The following RPGRIP1L variants were observed in gnomAD, a reference collection of about 807,000 sequenced individuals.
RPGRIP1L encodes the protein RPGRIP1 like.
In RPGRIP1L, 131 loss-of-function variants were observed where a neutral mutation model predicts 160.4. The ratio of observed to expected loss-of-function variants is 0.82; its 90% CI spans 0.71 to 0.94. The LOEUF (loss-of-function observed/expected upper bound fraction) is 0.94, where lower values mean the gene tolerates loss of function less well. Ranked by LOEUF, RPGRIP1L falls within the 40% of genes least tolerant of loss-of-function variation. The pLI is 0.00. For synonymous variants in RPGRIP1L, 510 were observed against 515.8 expected (o/e 0.99, Z 0.15); for missense variants, 1,522 against 1,535.8 (o/e 0.99, Z 0.15).
Position 53,645,844 on chromosome 16 carries a change from A to C in RPGRIP1L, c.2464T>G (p.Phe822Val), listed in dbSNP as rs772142011. The change falls in exon 17 of 27, where the codon TTT becomes GTT. Residue 822 changes from phenylalanine (F) to valine (V), a missense_variant. Physicochemically the swap from Phe to Val is conservative, Grantham distance 50. Coordinates refer to ENST00000647211, the MANE Select transcript of RPGRIP1L (RefSeq NM_015272.5). ...HPYVVYKFFD[F>V]ADHDTAIIPS... The stretch of plus-strand genomic sequence containing the variant: ...ATGATAGCTGTATCATGGTCTGCAA[A>C]ATCAAAAAACTTGTACACAACATAT... 4 of 1,614,088 alleles carry C rather than the reference A, an allele frequency of 2.5e-6. No individual in the cohort carries two copies. The highest frequency in any genetic ancestry group is 3.4e-6 in the Non-Finnish European group (4 of 1,180,008).
intron 9 of RPGRIP1L, among the ~76,000 whole-genome samples, chr16:53,667,043 G>C (rs1035484357): frequency 1.1e-4 from 17 of 152,124 alleles, no homozygotes; most frequent in Admixed American, 2.6e-4. Flanking sequence ...CTTTGTAAGG[G>C]CTGTACACAT....
intron 22 of RPGRIP1L, among the ~76,000 whole-genome samples, chr16:53,629,531 T>C (rs1362224709): frequency 6.6e-6 from 1 of 152,244 alleles, no homozygotes; most frequent in Non-Finnish European, 1.5e-5. Flanking sequence ...TGGAGACTTC[T>C]AACATCTTTA....
intron 6 of RPGRIP1L, among the ~76,000 whole-genome samples, chr16:53,677,691 T>C (rs1273033856): frequency 2.6e-5 from 4 of 152,026 alleles, no homozygotes; most frequent in Non-Finnish European, 2.9e-5. Flanking sequence ...TGACAAGAAA[T>C]GTGAGAAGGA....
chr16:53,702,007 C>A (rs895853551), intron 1 of RPGRIP1L, among the ~76,000 whole-genome samples: 10 of 152,156 alleles, frequency 6.6e-5, no homozygotes, highest in Admixed American at 6.5e-4. Flanking sequence ...ATCCTGTTGA[C>A]ACATAGGCCC....
chr16:53,600,665 T>G lies in RPGRIP1L; in HGVS notation c.*1411A>C, dbSNP rs1963340469. 1 of 152,676 alleles carries G rather than the reference T, an allele frequency of 6.5e-6. No individual in the cohort carries two copies. The highest frequency in any genetic ancestry group is 2.1e-4 in the South Asian group (1 of 4,830). 9.5% of individuals were successfully genotyped at this position (152,676 alleles called of 1,614,324 possible). ...ATGCAGATATTCATACTTGCATTTT[T>G]GCATTATAGCTGCTTTTTTTTTCTA... is the stretch of plus-strand genomic sequence containing the variant. On this transcript the variant is annotated 3_prime_UTR_variant, in exon 27 of 27. Coordinates refer to ENST00000647211, the MANE Select transcript of RPGRIP1L (RefSeq NM_015272.5).
chr16:53,614,505 T>C (rs1964236308), intron 24 of RPGRIP1L, among the ~76,000 whole-genome samples: 1 of 152,194 alleles, frequency 6.6e-6, no homozygotes, highest in Non-Finnish European at 1.5e-5. Context: ...AGAAACATTG[T>C]TTGGCCCAAC....
rs111699759 is a variant in RPGRIP1L, at chr16:53,637,658, G to A, written c.3220+37C>T. 6.6e-5 allele frequency: 104 copies of A among 1,578,246 alleles called. 3 individuals are homozygous for A. In the Middle Eastern group the frequency reaches 6.7e-4, roughly 10 times the overall value. ...TCTAACAGATAAAACAAAGCACAGG[G>A]TTAACTAAACAATGTTAGTTTAAAT... is the stretch of plus-strand genomic sequence containing the variant. On this transcript the variant is annotated intron_variant, in intron 21 of 26. Coordinates refer to ENST00000647211, the MANE Select transcript of RPGRIP1L (RefSeq NM_015272.5).
At chr16:53,642,223 C>T (rs1040586953) in intron 17 of RPGRIP1L, among the ~76,000 whole-genome samples, 1 of 151,656 alleles carries the variant, frequency 6.6e-6, no homozygotes, top group African/African-American at 2.4e-5. Context: ...CACTACGTTG[C>T]CCAGGCTGGA....
intron 22 of RPGRIP1L, among the ~76,000 whole-genome samples, chr16:53,633,599 A>G (rs1965655299): frequency 1.3e-5 from 2 of 152,200 alleles, no homozygotes; most frequent in Admixed American, 1.3e-4. Context: ...ATTCTAATGA[A>G]AACCGTAGAT....
chr16:53,697,673 G>A (rs1296704618), intron 2 of RPGRIP1L, among the ~76,000 whole-genome samples: 1 of 152,124 alleles, frequency 6.6e-6, no homozygotes, highest in Non-Finnish European at 1.5e-5. Context: ...GCTCAATGGT[G>A]CCCAGGCTGG....
At chr16:53,646,900 A>G (rs940680747) in intron 16 of RPGRIP1L, among the ~76,000 whole-genome samples, 7 of 152,278 alleles carry the variant, frequency 4.6e-5, no homozygotes, top group African/African-American at 1.7e-4. Context: ...TGTGGAGAGG[A>G]GAAATCTAAG....
At chr16:53,643,364 G>A (rs1361519310) in intron 17 of RPGRIP1L, among the ~76,000 whole-genome samples, 1 of 151,340 alleles carries the variant, frequency 6.6e-6, no homozygotes. Flanking sequence ...AGCTCATGAT[G>A]TGGAAGGCTA....
intron 23 of RPGRIP1L, among the ~76,000 whole-genome samples, 197 bp downstream of exon 23, chr16:53,622,022 C>CAA (rs36057385): frequency 0.1 from 2,478 of 24,102 alleles, 566 homozygotes; most frequent in East Asian, 0.33. Context: ...GACTCCGTCT[C>CAA]AAAAAAAAAA....
chr16:53,668,616 A>G (rs1968472709), intron 9 of RPGRIP1L, among the ~76,000 whole-genome samples: 1 of 152,290 alleles, frequency 6.6e-6, no homozygotes, highest in Non-Finnish European at 1.5e-5. Context: ...ATTTGCATAC[A>G]TTATAGTTTA....
At chr16:53,655,258 G>A (rs778837953) in intron 14 of RPGRIP1L, among the ~76,000 whole-genome samples, 6 of 151,390 alleles carry the variant, frequency 4.0e-5, no homozygotes, top group Non-Finnish European at 7.4e-5. Flanking sequence ...TTTTTGTTTT[G>A]GAAAATATAA....
At chr16:53,653,383 A>C (rs1014865100) in intron 14 of RPGRIP1L, 10 of 1,022,626 alleles carry the variant, frequency 9.8e-6, no homozygotes, top group Non-Finnish European at 1.2e-5. Context: ...CCTTTAACTT[A>C]TTAAGATTTA....
chr16:53,662,270 C>T (rs556615273), intron 10 of RPGRIP1L, among the ~76,000 whole-genome samples: 1 of 152,224 alleles, frequency 6.6e-6, no homozygotes, highest in African/African-American at 2.4e-5. Context: ...ATGCATTATG[C>T]TGAATTATGC....
Position 53,625,757 on chromosome 16 carries a change from AAAG to A in RPGRIP1L, c.3295-3404_3295-3402del, listed in dbSNP as rs1013846368. ...TCAGATTGTTACTGTGTCTGTGCAG[AAAG>A]AAGAAGACATAGGAGACTCCATTTT... is the stretch of plus-strand genomic sequence containing the variant. On this transcript the variant is annotated intron_variant, in intron 22 of 26. Transcript: ENST00000647211. Among the ~76,000 whole-genome samples the A allele has an allele frequency of 7.2e-5, 11 of 152,334 alleles. 1 individual carries two copies. The highest frequency in any genetic ancestry group is 1.4e-4 in the African/African-American group (6 of 41,568).
At chr16:53,647,928 A>G (rs948384541) in intron 16 of RPGRIP1L, among the ~76,000 whole-genome samples, 4 of 151,762 alleles carry the variant, frequency 2.6e-5, no homozygotes, top group African/African-American at 9.7e-5. Context: ...ACACAGTGAA[A>G]CCCCGTCTCT....
Sources: gnomAD v4.1 joint callset for allele counts (sites outside exome capture counted in the v4.1 genomes callset) on GRCh38, gnomAD v4.1.1 for gene constraint, MANE v1.5 for transcripts, NCBI Gene and HGNC (gene_info 2026-07-23, HGNC 2026-07-21) for gene names.